The following NHEJ1 variants were observed in gnomAD, a reference collection of about 807,000 sequenced individuals.
NHEJ1 encodes non-homologous end joining factor 1.
NHEJ1 carries 22 observed loss-of-function variants against 39.4 expected under a neutral mutation model. The ratio of observed to expected loss-of-function variants is 0.56; its 90% CI spans 0.40 to 0.80. The LOEUF is 0.80. Among genes scored for constraint, NHEJ1 ranks in the 30% least tolerant of loss-of-function variants. The pLI, the probability that NHEJ1 is intolerant of heterozygous loss-of-function variation, is 0.00. For missense variants in NHEJ1, 329 were observed against 357.1 expected, an observed-to-expected ratio of 0.92 and a Z score of 0.63; for synonymous variants, 154 against 135.6, an observed-to-expected ratio of 1.14 and a Z score of -0.94.
At chr2:219,089,956 T>C (rs1949146474) in intron 5 of NHEJ1, among the ~76,000 whole-genome samples, 1 of 152,144 alleles carries the variant, frequency 6.6e-6, no homozygotes, top group Non-Finnish European at 1.5e-5. Flanking sequence ...GCATGGAATG[T>C]TGAAAGACCA....
At position 219,071,349 on chromosome 2, in the gene NHEJ1, G is replaced by C. The variant is rs575474646; in HGVS notation, c.*5032C>G. 1.4e-4 allele frequency among the ~76,000 whole-genome samples: 22 copies of C among 152,184 alleles called. No homozygotes were observed. The highest frequency in any genetic ancestry group is 3.6e-4 in the African/African-American group (15 of 41,444). On this transcript the variant is annotated 3_prime_UTR_variant, in exon 8 of 8. Transcript: ENST00000356853. ...CTAGGAGGACTCTGGCCCGGGAGAG[G>C]GGGGTAGGGGTTAGGCAAACAGGCC...
chr2:219,084,182 T>G (rs1949091885), intron 5 of NHEJ1, among the ~76,000 whole-genome samples: 1 of 152,008 alleles, frequency 6.6e-6, no homozygotes, highest in Non-Finnish European at 1.5e-5. Context: ...AATTTTTGTA[T>G]TTTTAGTAGA....
chr2:219,142,206 G>A (rs1391248341), intron 5 of NHEJ1, among the ~76,000 whole-genome samples: 4 of 114,078 alleles, frequency 3.5e-5, no homozygotes, highest in African/African-American at 1.0e-4. Flanking sequence ...AAGAACGACT[G>A]CAGGGAAGAG....
At chr2:219,149,812 G>A (rs1427906646) in intron 3 of NHEJ1, among the ~76,000 whole-genome samples, 1 of 152,184 alleles carries the variant, frequency 6.6e-6, no homozygotes, top group Non-Finnish European at 1.5e-5. Flanking sequence ...GGCCTATCCA[G>A]TCCCTGTTGC....
chr2:219,130,836 C>A (rs1457847938), intron 5 of NHEJ1, among the ~76,000 whole-genome samples: 1 of 152,166 alleles, frequency 6.6e-6, no homozygotes. Flanking sequence ...GGTGTGTAAT[C>A]CCAGCATTTT....
At chr2:219,155,432 T>A (rs1228850581) in intron 3 of NHEJ1, among the ~76,000 whole-genome samples, 1 of 151,724 alleles carries the variant, frequency 6.6e-6, no homozygotes, top group East Asian at 1.9e-4. Context: ...TTATTTATTT[T>A]TTTAATTTTA....
chr2:219,158,403 T>A, intron 1 of NHEJ1, 41 bp from the exon 2 acceptor site: 1 of 1,605,644 alleles, frequency 6.2e-7, no homozygotes, highest in Non-Finnish European at 8.5e-7. Flanking sequence ...CTCAGGGTCA[T>A]GCTGGCCTAG....
intron 5 of NHEJ1, among the ~76,000 whole-genome samples, chr2:219,095,699 T>C (rs768790709): frequency 6.6e-6 from 1 of 152,118 alleles, no homozygotes; most frequent in Non-Finnish European, 1.5e-5. Context: ...AGGAGGGGTA[T>C]GGGTACTATT....
At chr2:219,154,214 T>C (rs1949826659) in intron 3 of NHEJ1, among the ~76,000 whole-genome samples, 1 of 151,944 alleles carries the variant, frequency 6.6e-6, no homozygotes, top group African/African-American at 2.4e-5. Context: ...TACAATTAAG[T>C]GAAAAAAGGA....
Position 219,127,065 on chromosome 2 carries a change from A to G in NHEJ1, c.588+19615T>C, listed in dbSNP as rs1167076602. Among the ~76,000 whole-genome samples, 3 of 152,190 alleles carry G rather than the reference A, an allele frequency of 2.0e-5. No individual in the cohort carries two copies. The East Asian group carries it at 5.8e-4, about 29-fold the overall frequency. On this transcript the variant is annotated intron_variant, in intron 5 of 7. Transcript: ENST00000356853. ...TAGTGGCCAGATCATAAGGGCCTTA[A>G]TAATCTTTTTAAGAAGTTTGGACTT...
chr2:219,108,159 G>C (rs1243101149), intron 5 of NHEJ1, among the ~76,000 whole-genome samples: 1 of 152,134 alleles, frequency 6.6e-6, no homozygotes, highest in African/African-American at 2.4e-5. Flanking sequence ...AGCCCAGGAA[G>C]AACAGCCAGG....
intron 3 of NHEJ1, among the ~76,000 whole-genome samples, chr2:219,153,698 G>GC (rs1559204143): frequency 1.1e-4 from 14 of 128,640 alleles, no homozygotes; most frequent in Non-Finnish European, 1.8e-4. Flanking sequence ...GAAAAGGGGG[G>GC]GGGGGTGGAG....
rs762342375 is a variant in NHEJ1, at chr2:219,147,715, A to C, written c.471T>G (p.Leu157=). 6.2e-7 allele frequency: 1 copy of C among 1,614,170 alleles called. No homozygotes were observed. The highest frequency in any genetic ancestry group is 2.2e-5 in the East Asian group (1 of 44,892). The change falls in exon 4 of 8, where the codon CTT becomes CTG. Residue 157 remains leucine, a synonymous_variant. Coordinates refer to ENST00000356853, the MANE Select transcript of NHEJ1 (RefSeq NM_024782.3). ...CTTGGATCTCTAGGTCTTTCATATG[A>C]AGTAACGTTGCTAGCTCCCTCACTT... ...QCQVRELATL[L]HMKDLEIQDY...
At position 219,158,001 on chromosome 2, in the gene NHEJ1, A is replaced by T. The variant is rs942264272; in HGVS notation, c.177+185T>A. Reference sequence around the variant, plus strand: ...CTCTCTCTCTCTCTCTCACACACACACACACACACACACACACACACACAC... The same window carrying T: ...CTCTCTCTCTCTCTCTCACACACACTCACACACACACACACACACACACAC... On this transcript the variant is annotated intron_variant, in intron 2 of 7. Coordinates refer to ENST00000356853, the MANE Select transcript of NHEJ1 (RefSeq NM_024782.3). Among the ~76,000 whole-genome samples the T allele has an allele frequency of 4.7e-3, 659 of 139,944 alleles. 4 individuals carry two copies. The highest frequency in any genetic ancestry group is 0.014 in the South Asian group (58 of 4,138). The allele number at this position is 139,944 out of a possible 152,430, so 91.8% of individuals were successfully genotyped here.
At chr2:219,160,502 A>G (rs1472438226) in intron 1 of NHEJ1, 2 of 151,922 alleles carry the variant, frequency 1.3e-5, no homozygotes, top group Non-Finnish European at 2.9e-5. Context: ...CAGGCGACCA[A>G]CGAGTACCTT....
chr2:219,134,793 ACT>A (rs1160762292), intron 5 of NHEJ1, among the ~76,000 whole-genome samples: 1 of 152,114 alleles, frequency 6.6e-6, no homozygotes, highest in Non-Finnish European at 1.5e-5. Flanking sequence ...TAATCCCAGC[ACT>A]TTGGGAGGCT....
At chr2:219,139,644 A>ATAAATGTG (rs1293778248) in intron 5 of NHEJ1, among the ~76,000 whole-genome samples, 4 of 152,150 alleles carry the variant, frequency 2.6e-5, no homozygotes, top group Non-Finnish European at 5.9e-5. Context: ...ATGCAAGATA[A>ATAAATGTG]TAAATGTGTT....
At chr2:219,160,537 G>A (rs1390338469) in intron 1 of NHEJ1, 183 bp downstream of exon 1, 1 of 152,138 alleles carries the variant, frequency 6.6e-6, no homozygotes, top group Non-Finnish European at 1.5e-5. Context: ...CATCCACGCC[G>A]GGCAGCAGCC....
chr2:219,073,953 C>T lies in NHEJ1; in HGVS notation c.*2428G>A, dbSNP rs1428401389. ...CAAGCCAGGGGGCAGGGCTGGAATA[C>T]AGCCTGGCTAGGCCAATTTGTCAAA... On this transcript the variant is annotated 3_prime_UTR_variant, in exon 8 of 8. Coordinates refer to ENST00000356853, the MANE Select transcript of NHEJ1 (RefSeq NM_024782.3). Among the ~76,000 whole-genome samples, 1 of 152,242 alleles carries T rather than the reference C, an allele frequency of 6.6e-6. No individual in the cohort carries two copies. Among genetic ancestry groups the T allele is most frequent in the East Asian group, 1.9e-4 (1 of 5,196 alleles).
Sources: allele counts gnomAD v4.1 joint callset (sites outside exome capture counted in the v4.1 genomes callset), GRCh38; gene constraint gnomAD v4.1.1; transcripts MANE v1.5; gene names NCBI Gene and HGNC (gene_info 2026-07-23, HGNC 2026-07-21).